TGFA: variants seen among roughly 807,000 people sequenced by gnomAD.
TGFA encodes the protein protransforming growth factor alpha.
Under a neutral mutation model 21.7 loss-of-function variants are expected in TGFA, and 12 were observed. The observed-to-expected ratio is 0.55, with a 90% CI of 0.35 to 0.90. TGFA has a LOEUF of 0.90. Ranked by LOEUF, TGFA falls within the 40% of genes least tolerant of loss-of-function variation. The pLI, the probability that TGFA is intolerant of heterozygous loss-of-function variation, is 0.01. For synonymous variants in TGFA, 79 were observed against 88.1 expected (o/e 0.90, Z 0.58); for missense variants, 178 against 210.8 (o/e 0.84, Z 0.96).
intron 2 of TGFA, among the ~76,000 whole-genome samples, chr2:70,472,401 CT>C (rs1670780714): frequency 6.6e-6 from 1 of 152,224 alleles, no homozygotes; most frequent in Non-Finnish European, 1.5e-5. Context: ...TGAGAGGCCC[CT>C]CCAGCATGTT....
intron 2 of TGFA, among the ~76,000 whole-genome samples, chr2:70,477,547 A>C (rs1553494683): frequency 6.6e-6 from 1 of 152,240 alleles, no homozygotes. Flanking sequence ...TCTCCTGAGA[A>C]TAGAGACTAC....
intron 1 of TGFA, among the ~76,000 whole-genome samples, chr2:70,551,331 G>A (rs1478494942): frequency 6.6e-6 from 1 of 152,188 alleles, no homozygotes. Flanking sequence ...GCCACCACAG[G>A]AACCTGGGTT....
At chr2:70,504,477 C>CATATATATATATATATATAT (rs370498590) in intron 2 of TGFA, among the ~76,000 whole-genome samples, 1 of 67,462 alleles carries the variant, frequency 1.5e-5, no homozygotes, top group Non-Finnish European at 3.6e-5. Context: ...CACATACATA[C>CATATATATATATATATATAT]ATACATACAC....
At chr2:70,532,452 G>A (rs1190396061) in intron 1 of TGFA, among the ~76,000 whole-genome samples, 2 of 152,182 alleles carry the variant, frequency 1.3e-5, no homozygotes, top group African/African-American at 2.4e-5. Context: ...GCTTGGCTTT[G>A]CCTCCAGCCT....
At chr2:70,540,953 G>A (rs539573203) in intron 1 of TGFA, among the ~76,000 whole-genome samples, 1 of 152,230 alleles carries the variant, frequency 6.6e-6, no homozygotes, top group South Asian at 2.1e-4. Context: ...ATACCATTTT[G>A]CCAACAGAAT....
rs1307291501 is a variant in TGFA, at chr2:70,447,376, T to C, written c.*3483A>G. 1.3e-5 allele frequency: 2 copies of C among 152,654 alleles called. No homozygotes were observed. Among genetic ancestry groups the C allele is most frequent in the African/African-American group, 4.8e-5 (2 of 41,456 alleles). The allele number at this position is 152,654 out of a possible 1,614,324, so 9.5% of individuals were successfully genotyped here. A position where few individuals can be genotyped will look rare whatever the true frequency, so the allele number is the denominator to read the frequency against. On this transcript the variant is annotated 3_prime_UTR_variant, in exon 6 of 6. Coordinates refer to ENST00000295400, the MANE Select transcript of TGFA (RefSeq NM_003236.4). The stretch of plus-strand genomic sequence containing the variant: ...CATTACTGAAAAACACAATTGCGTC[T>C]TATATTGCTCACTACTCTTTAAGTA...
intron 4 of TGFA, among the ~76,000 whole-genome samples, chr2:70,456,014 C>T (rs184474379): frequency 3.3e-5 from 5 of 152,368 alleles, no homozygotes; most frequent in Non-Finnish European, 5.9e-5. Context: ...GTCTCTAGTC[C>T]TCTCTGGAGC....
chr2:70,544,922 A>T (rs1419080947), intron 1 of TGFA, among the ~76,000 whole-genome samples: 2 of 152,184 alleles, frequency 1.3e-5, no homozygotes, highest in Non-Finnish European at 2.9e-5. Context: ...TACAAAAAAT[A>T]GTTAGAAAGA....
intron 1 of TGFA, among the ~76,000 whole-genome samples, chr2:70,540,615 CA>C (rs1322099690): frequency 1.3e-5 from 2 of 152,170 alleles, no homozygotes; most frequent in African/African-American, 4.8e-5. Flanking sequence ...CACAGAAAAT[CA>C]TTTCTACCCC....
At position 70,553,278 on chromosome 2, in the gene TGFA, G is replaced by A. The variant is rs1553507116; in HGVS notation, c.40+450C>T. 14 of 1,534,210 alleles carry A rather than the reference G, an allele frequency of 9.1e-6. No homozygotes were observed. The Admixed American group carries it at 2.2e-4, about 24-fold the overall frequency. ...GCTGGGGCTTAGAGGTGGGCAGGGGGTGCCAAAGGGGCGCAGGCAAGACCC... is the reference window on the plus strand; with the variant it reads ...GCTGGGGCTTAGAGGTGGGCAGGGGATGCCAAAGGGGCGCAGGCAAGACCC... On this transcript the variant is annotated intron_variant, in intron 1 of 5. Coordinates refer to ENST00000295400, the MANE Select transcript of TGFA (RefSeq NM_003236.4).
At chr2:70,520,725 C>A (rs1299328363) in intron 1 of TGFA, among the ~76,000 whole-genome samples, 2 of 152,032 alleles carry the variant, frequency 1.3e-5, no homozygotes, top group African/African-American at 4.8e-5. Flanking sequence ...TTGAAGTTAT[C>A]ACTACAGCCC....
chr2:70,551,362 T>G (rs1673501722), intron 1 of TGFA, among the ~76,000 whole-genome samples: 1 of 152,206 alleles, frequency 6.6e-6, no homozygotes, highest in Admixed American at 6.5e-5. Context: ...TGTTGCCATT[T>G]GGGCAACAGT....
At chr2:70,500,586 C>T (rs1559121795) in intron 2 of TGFA, among the ~76,000 whole-genome samples, 1 of 152,178 alleles carries the variant, frequency 6.6e-6, no homozygotes, top group Non-Finnish European at 1.5e-5. Context: ...AGTACCAACA[C>T]TCTACCAAGG....
chr2:70,536,179 A>G (rs1672961846), intron 1 of TGFA, among the ~76,000 whole-genome samples: 1 of 152,252 alleles, frequency 6.6e-6, no homozygotes, highest in African/African-American at 2.4e-5. Flanking sequence ...CTTCTGAATC[A>G]TTAAAGAATG....
intron 2 of TGFA, among the ~76,000 whole-genome samples, chr2:70,482,781 G>A (rs2103760679): frequency 6.6e-6 from 1 of 151,928 alleles, no homozygotes; most frequent in East Asian, 1.9e-4. Context: ...TGGGCACTGT[G>A]TTGTCTCTAA....
chr2:70,497,383 G>A (rs1318136701), intron 2 of TGFA, among the ~76,000 whole-genome samples: 1 of 152,156 alleles, frequency 6.6e-6, no homozygotes, highest in Non-Finnish European at 1.5e-5. Flanking sequence ...CTTAACTTAG[G>A]AGGCTCATTT....
chr2:70,466,359 T>A (rs954638399), intron 2 of TGFA, among the ~76,000 whole-genome samples: 1 of 152,028 alleles, frequency 6.6e-6, no homozygotes, highest in Non-Finnish European at 1.5e-5. Flanking sequence ...TACAAAAAAT[T>A]AGCCGGGCGA....
chr2:70,456,408 GCC>G lies in TGFA; in HGVS notation c.294_295del (p.Gln98HisfsTer33). 6.3e-7 allele frequency: 1 copy of G among 1,592,764 alleles called. No individual in the cohort carries two copies. Among genetic ancestry groups the G allele is most frequent in the Non-Finnish European group, 8.5e-7 (1 of 1,169,846 alleles). On this transcript the variant is annotated frameshift_variant, in exon 4 of 6. Coordinates refer to ENST00000295400, the MANE Select transcript of TGFA (RefSeq NM_003236.4). LOFTEE classifies it high-confidence loss of function. ...GGAGACCACCACCAAGGCGGTGATG[GCC>G]TGCTTCTTCTGGCTGGCAGCCACCA...
At chr2:70,532,874 T>C (rs1672855815) in intron 1 of TGFA, among the ~76,000 whole-genome samples, 1 of 151,856 alleles carries the variant, frequency 6.6e-6, no homozygotes, top group African/African-American at 2.4e-5. Flanking sequence ...TCTTTTTTTT[T>C]TTTTTTAACA....
Sources: gnomAD v4.1 joint callset for allele counts (sites outside exome capture counted in the v4.1 genomes callset) on GRCh38, gnomAD v4.1.1 for gene constraint, MANE v1.5 for transcripts, NCBI Gene and HGNC (gene_info 2026-07-23, HGNC 2026-07-21) for gene names.